MYPN: variants seen among roughly 807,000 people sequenced by gnomAD.
The protein encoded by MYPN is myopalladin, also known as sarcomeric protein myopalladin, 145 kDa (MYOP).
A neutral mutation model predicts 129.4 loss-of-function variants in MYPN; 63 were observed. The observed-to-expected ratio is 0.49, with a 90% CI of 0.40 to 0.60. The LOEUF (loss-of-function observed/expected upper bound fraction) is 0.60. MYPN is among the 20% of genes least tolerant of loss of function. The pLI is 0.00. For synonymous variants in MYPN, 629 were observed against 600.9 expected, an observed-to-expected ratio of 1.05 and a Z score of -0.68; for missense variants, 1,596 against 1,635.4, an observed-to-expected ratio of 0.98 and a Z score of 0.42.
chr10:68,194,583 C>A (rs1033618375), intron 14 of MYPN, 71 bp downstream of exon 14: 5 of 1,536,092 alleles, frequency 3.3e-6, no homozygotes, highest in Non-Finnish European at 4.5e-6. Flanking sequence ...TGAATGAGAC[C>A]TTGAGAAGTG....
rs1460983653 is a variant in MYPN, at chr10:68,174,569, C to T, written c.2477C>T (p.Pro826Leu). 6.2e-7 allele frequency: 1 copy of T among 1,614,052 alleles called. No individual in the cohort carries two copies. The highest frequency in any genetic ancestry group is 1.3e-5 in the African/African-American group (1 of 74,934). The change falls in exon 11 of 20, where the codon CCA becomes CTA. Residue 826 changes from proline (P) to leucine (L), a missense_variant. Transcript: ENST00000358913. ...PVSPTSRIQNPVAFLSSVLPS... is the reference protein window; with the variant it reads ...PVSPTSRIQNLVAFLSSVLPS... ...TCTCCTACCAGCCGGATTCAGAACCCAGTGGCTTTCCTCAGCTCTGTTCTG... is the reference window on the plus strand; with the variant it reads ...TCTCCTACCAGCCGGATTCAGAACCTAGTGGCTTTCCTCAGCTCTGTTCTG...
At chr10:68,107,026 A>C (rs907098743), upstream of MYPN, among the ~76,000 whole-genome samples, 1 of 152,228 alleles carries the variant, frequency 6.6e-6, no homozygotes, top group Non-Finnish European at 1.5e-5. Context: ...TTTTTGTATC[A>C]ATAAACTCTG....
rs566683852 is a variant in MYPN at position 68,174,901 on chromosome 10, G to A, written c.2564+245G>A. Among the ~76,000 whole-genome samples the A allele has an allele frequency of 4.6e-5, 7 of 152,230 alleles. No homozygotes were observed. The South Asian group carries it at 6.2e-4, about 14-fold the overall frequency. ...TGTAATCCCAGCACTTTGGGAGGCC[G>A]AGGAAGGCAGATCACTTGAGTTCTG... is the stretch of plus-strand genomic sequence containing the variant. On this transcript the variant is annotated intron_variant, in intron 11 of 19. Coordinates refer to ENST00000358913, the MANE Select transcript of MYPN (RefSeq NM_032578.4).
intron 14 of MYPN, 74 bp downstream of exon 14, chr10:68,194,586 G>A: frequency 6.6e-7 from 1 of 1,505,288 alleles, no homozygotes; most frequent in South Asian, 1.2e-5. Flanking sequence ...ATGAGACCTT[G>A]AGAAGTGCGA....
rs2042258315 is a variant in MYPN, at chr10:68,122,312, G to A, written c.874G>A (p.Val292Met). The stretch of plus-strand genomic sequence containing the variant: ...AACTCGAGTACAGTTGGATTGCATA[G>A]TGGTAGGAATTCCACCACCTCAAGT... ...EGTRVQLDCI[V>M]VGIPPPQVRW... The change falls in exon 2 of 20, where the codon GTG (valine) becomes ATG (methionine). Residue 292 changes from valine to methionine, a missense_variant. Coordinates refer to ENST00000358913, the MANE Select transcript of MYPN (RefSeq NM_032578.4). 6.2e-7 allele frequency: 1 copy of A among 1,613,862 alleles called. No individual in the cohort carries two copies. The highest frequency in any genetic ancestry group is 8.5e-7 in the Non-Finnish European group (1 of 1,180,036).
rs1283501759 is a variant in MYPN, at chr10:68,121,615, C to T, written c.177C>T (p.Asp59=). The change falls in exon 2 of 20, where the codon GAC becomes GAT. Residue 59 remains aspartate, a synonymous_variant. Transcript: ENST00000358913. Reference sequence around the variant, plus strand: ...CTGAAGGAGGCGGAGGCCAAGATGACCTTCCAGATCTTTCAGCCTTTCTGA... The same window carrying T: ...CTGAAGGAGGCGGAGGCCAAGATGATCTTCCAGATCTTTCAGCCTTTCTGA... The part of the protein sequence containing the change: ...GAAEGGGGQD[D]LPDLSAFLSQ... The T allele has an allele frequency of 6.2e-7, 1 of 1,614,236 alleles. No individual in the cohort carries two copies. Among genetic ancestry groups the T allele is most frequent in the South Asian group, 1.1e-5 (1 of 91,084 alleles).
At chr10:68,128,919 C>T (rs2042366981) in intron 2 of MYPN, among the ~76,000 whole-genome samples, 3 of 151,772 alleles carry the variant, frequency 2.0e-5, no homozygotes, top group Non-Finnish European at 4.4e-5. Context: ...CTTGATGTCA[C>T]TAAATCTTAA....
intron 18 of MYPN, among the ~76,000 whole-genome samples, chr10:68,206,310 C>T (rs1589618801): frequency 6.6e-6 from 1 of 152,276 alleles, no homozygotes; most frequent in Admixed American, 6.5e-5. Flanking sequence ...AGGCTGATTT[C>T]CTCCTAAACC....
rs2042254307 is a variant in MYPN, at chr10:68,122,158, G to C, written c.720G>C (p.Gln240His). Residue 240 changes from glutamine (Q) to histidine (H), a missense_variant, in exon 2 of 20, where the codon CAG becomes CAC. Physicochemically the swap from Gln to His is conservative, Grantham distance 24. Coordinates refer to ENST00000358913, the MANE Select transcript of MYPN (RefSeq NM_032578.4). ...QQEAKRREAE[Q>H]AASEAAGGDT... ...AAGCCAAGAGGCGTGAAGCGGAGCAGGCTGCCAGTGAGGCGGCTGGTGGAG... is the reference window on the plus strand; with the variant it reads ...AAGCCAAGAGGCGTGAAGCGGAGCACGCTGCCAGTGAGGCGGCTGGTGGAG... The C allele has an allele frequency of 6.2e-7, 1 of 1,612,114 alleles. No homozygotes were observed. Among genetic ancestry groups the C allele is most frequent in the Non-Finnish European group, 8.5e-7 (1 of 1,178,776 alleles).
chr10:68,182,543 G>C (rs1354240119), intron 12 of MYPN, among the ~76,000 whole-genome samples: 2 of 140,472 alleles, frequency 1.4e-5, no homozygotes, highest in Non-Finnish European at 1.5e-5. Context: ...GTTTTACTTT[G>C]TCGCCCAGGC....
At chr10:68,206,660 TCTTGATGTCTGC>T in intron 18 of MYPN, 98 bp from the exon 19 acceptor site, 5 of 1,437,452 alleles carry the variant, frequency 3.5e-6, no homozygotes, top group Non-Finnish European at 4.9e-6. Flanking sequence ...TTCAAATTTG[TCTTGATGTCTGC>T]CTTAAGCTGA....
chr10:68,158,678 T>A lies in MYPN; in HGVS notation c.1459+51T>A, dbSNP rs765269623. On this transcript the variant is annotated intron_variant, in intron 7 of 19. Coordinates refer to ENST00000358913, the MANE Select transcript of MYPN (RefSeq NM_032578.4). ...CTGATATTTTGTTTTTATGAACTTA[T>A]TGTACACACTTATTTTTATAACTTT... The A allele has an allele frequency of 1.7e-5, 21 of 1,272,060 alleles. No homozygotes were observed. The African/African-American group carries it at 2.9e-4, about 18-fold the overall frequency. The allele number at this position is 1,272,060 out of a possible 1,614,324, so 78.8% of individuals were successfully genotyped here.
intron 1 of MYPN, among the ~76,000 whole-genome samples, chr10:68,119,000 A>T (rs1306037232): frequency 6.6e-6 from 1 of 152,196 alleles, no homozygotes; most frequent in East Asian, 1.9e-4. Flanking sequence ...TAAGGCACTT[A>T]ATTTCCCCCC....
chr10:68,191,837 G>A lies in MYPN; in HGVS notation c.2926-2526G>A, dbSNP rs60816884. On this transcript the variant is annotated intron_variant, in intron 13 of 19. Coordinates refer to ENST00000358913, the MANE Select transcript of MYPN (RefSeq NM_032578.4). ...ATTGCTGTTAGTGTATAGATGCTAC[G>A]GATTTTTGTAAGTTGATTTTGTATC... Among the ~76,000 whole-genome samples, 691 of 152,048 alleles carry A rather than the reference G, an allele frequency of 4.5e-3. 5 individuals are homozygous for A. The highest frequency in any genetic ancestry group is 0.016 in the African/African-American group (666 of 41,490).
At chr10:68,108,141 A>G (rs2042035038), upstream of MYPN, among the ~76,000 whole-genome samples, 1 of 152,250 alleles carries the variant, frequency 6.6e-6, no homozygotes, top group Non-Finnish European at 1.5e-5. Flanking sequence ...TGTGGTAATG[A>G]GAATAACCTG....
At chr10:68,145,775 T>TA (rs1213132129) in intron 4 of MYPN, among the ~76,000 whole-genome samples, 2 of 152,244 alleles carry the variant, frequency 1.3e-5, no homozygotes, top group Non-Finnish European at 2.9e-5. Context: ...ATGAGCTCCT[T>TA]AAGGGCAGAA....
intron 1 of MYPN, among the ~76,000 whole-genome samples, chr10:68,096,645 T>C (rs1445322202): frequency 6.6e-6 from 1 of 152,242 alleles, no homozygotes; most frequent in Non-Finnish European, 1.5e-5. Context: ...GTATTTGACA[T>C]CTGTCCCAGT....
At chr10:68,146,300 C>A (rs2042665883) in intron 4 of MYPN, among the ~76,000 whole-genome samples, 1 of 152,098 alleles carries the variant, frequency 6.6e-6, no homozygotes, top group African/African-American at 2.4e-5. Flanking sequence ...CTAGGATTGC[C>A]CTATCTTCTC....
In MYPN at chr10:68,210,514, C is replaced by T. The variant is rs1363655535; in HGVS notation, c.*59C>T. 1 of 1,600,052 alleles carries T rather than the reference C, an allele frequency of 6.2e-7. No individual in the cohort carries two copies. Among genetic ancestry groups the T allele is most frequent in the Non-Finnish European group, 8.5e-7 (1 of 1,171,536 alleles). On this transcript the variant is annotated 3_prime_UTR_variant, in exon 20 of 20. Transcript: ENST00000358913. ...ACTGTGGAGGGGGAATGAGAACAAG[C>T]CAGACTTGGTGGTTTCCAAGCAACC...
Sources: gnomAD v4.1 joint callset for allele counts (sites outside exome capture counted in the v4.1 genomes callset) on GRCh38, gnomAD v4.1.1 for gene constraint, MANE v1.5 for transcripts, NCBI Gene and HGNC (gene_info 2026-07-23, HGNC 2026-07-21) for gene names.